Variants in ZNF177 observed in about 807,000 individuals in gnomAD.
ZNF177 encodes the protein zinc finger protein 177.
Under a neutral mutation model 19.4 loss-of-function variants are expected in ZNF177, and 17 were observed. The observed-to-expected ratio is 0.87, with a 90% CI of 0.60 to 1.31. The LOEUF is 1.31. ZNF177 is among the 40% of genes most tolerant of loss of function. ZNF177 has a pLI of 0.00. For synonymous variants in ZNF177, 220 were observed against 188.7 expected (o/e 1.17, Z -1.36); for missense variants, 633 against 561.8 (o/e 1.13, Z -1.28).
intron 2 of ZNF177, among the ~76,000 whole-genome samples, chr19:9,368,658 A>G (rs562409651): frequency 7.2e-5 from 11 of 152,232 alleles, no homozygotes; most frequent in Non-Finnish European, 1.3e-4. Flanking sequence ...CCTAAGGACC[A>G]GTTTAGCTAC....
chr19:9,378,054 CAGGCTAGAAAAA>C (rs1482555000), intron 1 of ZNF177, among the ~76,000 whole-genome samples, 193 bp from the exon 4 acceptor site: 6 of 152,038 alleles, frequency 3.9e-5, no homozygotes, highest in African/African-American at 1.2e-4. Flanking sequence ...TTTAGTGGTT[CAGGCTAGAAAAA>C]AGTCCAAGAA....
chr19:9,381,521 A>C (rs771915485), exon 6 of ZNF177: 21 of 1,614,186 alleles, frequency 1.3e-5, no homozygotes, highest in Non-Finnish European at 1.8e-5. Context: ...AAGCCTTATG[A>C]GTGTAACCAG....
At chr19:9,366,336 G>A (rs911845984) in intron 2 of ZNF177, among the ~76,000 whole-genome samples, 3 of 151,980 alleles carry the variant, frequency 2.0e-5, no homozygotes, top group African/African-American at 7.3e-5. Context: ...CTGGAGTGCC[G>A]TGGTGCCCTC....
intron 2 of ZNF177, among the ~76,000 whole-genome samples, chr19:9,371,089 A>G (rs933039622): frequency 6.6e-6 from 1 of 152,140 alleles, no homozygotes; most frequent in Non-Finnish European, 1.5e-5. Context: ...TTCCCCCCAG[A>G]TTTGTTTTTA....
exon 2 of ZNF177, chr19:9,364,927 C>T (rs958808948): frequency 6.6e-6 from 1 of 152,060 alleles, no homozygotes; most frequent in African/African-American, 2.4e-5. Flanking sequence ...GGAAGGTAGC[C>T]AAGGATGGAG....
At chr19:9,367,276 C>G (rs2067993006) in intron 2 of ZNF177, among the ~76,000 whole-genome samples, 1 of 151,936 alleles carries the variant, frequency 6.6e-6, no homozygotes, top group South Asian at 2.1e-4. Context: ...GATCGCACCA[C>G]TGCACTCCAG....
chr19:9,379,803 T>C (rs1416224315), intron 4 of ZNF177, 184 bp downstream of exon 6: 1 of 674,394 alleles, frequency 1.5e-6, no homozygotes, highest in Non-Finnish European at 2.2e-6. Context: ...CCTCTTTAAA[T>C]GTAATGTCTC....
At chr19:9,373,990 A>T (rs2068080103), upstream of ZNF177, among the ~76,000 whole-genome samples, 1 of 152,130 alleles carries the variant, frequency 6.6e-6, no homozygotes, top group Admixed American at 6.5e-5. Flanking sequence ...ATTTGTCAAA[A>T]TTAATATCAA....
chr19:9,365,105 G>T (rs1468360522), intron 2 of ZNF177, among the ~76,000 whole-genome samples, 157 bp downstream of exon 2: 1 of 152,174 alleles, frequency 6.6e-6, no homozygotes, highest in Non-Finnish European at 1.5e-5. Context: ...CATCGAGAAG[G>T]TGAAAGTTTA....
intron 2 of ZNF177, among the ~76,000 whole-genome samples, chr19:9,365,323 AAGAG>A (rs1309342345): frequency 7.9e-5 from 12 of 151,876 alleles, no homozygotes; most frequent in Non-Finnish European, 1.5e-4. Flanking sequence ...GCCCAGAAAA[AAGAG>A]AGAGTAGAGA....
upstream of ZNF177, among the ~76,000 whole-genome samples, chr19:9,372,176 A>G: frequency 6.6e-6 from 1 of 152,142 alleles, no homozygotes; most frequent in South Asian, 2.1e-4. Context: ...TGCTTGCACT[A>G]GTTGCTTGGG....
rs559383118 is a variant in ZNF177, at chr19:9,381,262, C to G, written c.931C>G (p.Pro311Ala). ...CATGAGATCTCATACTGGAGAGAAG[C>G]CTTATGAGTGTGATCACTGTGGAAA... The change falls in exon 6 of 6, where the codon CCT (proline) becomes GCT (alanine). Residue 311 changes from proline (P) to alanine (A), a missense_variant. Pro to Ala is a conservative substitution (Grantham distance 27). Coordinates refer to ENST00000589262, the Ensembl canonical transcript of ZNF177. 23 of 1,614,056 alleles carry G rather than the reference C, an allele frequency of 1.4e-5. No homozygotes were observed. In the South Asian group the frequency reaches 2.4e-4, roughly 17 times the overall value.
At chr19:9,367,413 C>T (rs2067995046) in intron 2 of ZNF177, among the ~76,000 whole-genome samples, 3 of 152,148 alleles carry the variant, frequency 2.0e-5, no homozygotes, top group Non-Finnish European at 4.4e-5. Context: ...TTATGTGATA[C>T]TGGTTTTTAT....
At chr19:9,371,308 T>C (rs1158802824) in intron 2 of ZNF177, among the ~76,000 whole-genome samples, 1 of 152,192 alleles carries the variant, frequency 6.6e-6, no homozygotes, top group African/African-American at 2.4e-5. Context: ...CTTAAGTTTC[T>C]ATTGTGTCTG....
chr19:9,380,003 C>A, intron 4 of ZNF177, 54 bp from the exon 7 acceptor site: 1 of 1,577,182 alleles, frequency 6.3e-7, no homozygotes, highest in South Asian at 1.2e-5. Context: ...CTCCCTTTTT[C>A]TTTGATCCCA....
downstream of ZNF177, chr19:9,382,395 C>G (rs1311184524): frequency 2.5e-6 from 1 of 398,620 alleles, no homozygotes; most frequent in Non-Finnish European, 4.4e-6. Context: ...AAAATATATA[C>G]ACCAAGAGGA....
intron 2 of ZNF177, among the ~76,000 whole-genome samples, chr19:9,369,533 T>G (rs1385421881): frequency 6.6e-6 from 1 of 152,146 alleles, no homozygotes; most frequent in East Asian, 1.9e-4. Context: ...CTAGTTTATC[T>G]TAATCTACCA....
chr19:9,376,988 A>G (rs2068118477), intron 1 of ZNF177, among the ~76,000 whole-genome samples: 1 of 152,148 alleles, frequency 6.6e-6, no homozygotes, highest in South Asian at 2.1e-4. Flanking sequence ...TTGTTTGTCC[A>G]AGGAAGTTTT....
intron 2 of ZNF177, among the ~76,000 whole-genome samples, chr19:9,366,694 G>C (rs1318710655): frequency 3.3e-5 from 5 of 151,984 alleles, no homozygotes; most frequent in African/African-American, 1.2e-4. Flanking sequence ...TATTTCTCTT[G>C]GGTATATACC....
Sources: gnomAD v4.1 joint callset for allele counts (sites outside exome capture counted in the v4.1 genomes callset) on GRCh38, gnomAD v4.1.1 for gene constraint, MANE v1.5 for transcripts, NCBI Gene and HGNC (gene_info 2026-07-23, HGNC 2026-07-21) for gene names.